Variants in NPY2R observed in about 807,000 individuals in gnomAD.
The protein encoded by NPY2R is neuropeptide Y receptor type 2.
In NPY2R, 17 loss-of-function variants were observed where a neutral mutation model predicts 22.3. The ratio of observed to expected loss-of-function variants is 0.76; its 90% CI spans 0.52 to 1.14. The LOEUF is 1.14. Ranked by LOEUF, NPY2R falls within the 50% of genes most tolerant of loss-of-function variation. NPY2R has a pLI of 0.00. For synonymous variants in NPY2R, 209 were observed against 183.4 expected (o/e 1.14, Z -1.13); for missense variants, 424 against 467.9 (o/e 0.91, Z 0.87).
intron 1 of NPY2R, among the ~76,000 whole-genome samples, chr4:155,209,811 GAT>G (rs1729364537): frequency 6.6e-6 from 1 of 151,998 alleles, no homozygotes; most frequent in African/African-American, 2.4e-5. Flanking sequence ...TGCTTGATAA[GAT>G]GTGTAGGTTT....
chr4:155,174,174 T>C, the NPY2R span: 1 of 151,928 alleles, frequency 6.6e-6, no homozygotes, highest in Non-Finnish European at 1.5e-5. Context: ...TCTGGGATTA[T>C]AACATGGAAA....
chr4:155,189,754 A>G, the NPY2R span, among the ~76,000 whole-genome samples: 1 of 151,828 alleles, frequency 6.6e-6, no homozygotes, highest in South Asian at 2.1e-4. Context: ...TAGGGACCCT[A>G]CTCCTATGTT....
the NPY2R span, among the ~76,000 whole-genome samples, chr4:155,187,705 A>G: frequency 6.6e-6 from 1 of 152,148 alleles, no homozygotes; most frequent in African/African-American, 2.4e-5. Flanking sequence ...TATAAACAGC[A>G]TGTGTCAAAT....
the NPY2R span, among the ~76,000 whole-genome samples, chr4:155,189,865 G>A: frequency 2.6e-5 from 4 of 151,862 alleles, no homozygotes; most frequent in Admixed American, 2.0e-4. Flanking sequence ...CCTTCTGAGA[G>A]CATGTTACAA....
the NPY2R span, among the ~76,000 whole-genome samples, chr4:155,200,873 G>A: frequency 6.6e-6 from 1 of 152,042 alleles, no homozygotes; most frequent in Non-Finnish European, 1.5e-5. Flanking sequence ...GGTGAGGGGA[G>A]GGAGAGCATT....
At position 155,215,624 on chromosome 4, in the gene NPY2R, C is replaced by G. The variant is rs182746502; in HGVS notation, c.*539C>G. The G allele has an allele frequency of 2.2e-4, 42 of 187,282 alleles. No individual in the cohort carries two copies. Among genetic ancestry groups the G allele is most frequent in the Admixed American group, 2.0e-3 (36 of 18,040 alleles). 11.6% of individuals were successfully genotyped at this position (187,282 alleles called of 1,614,324 possible). ...GAATGCTGCAGGAAACGATTGCCAA[C>G]TATACGAATGGCTTCGAGGAGATAA... On this transcript the variant is annotated 3_prime_UTR_variant, in exon 2 of 2. Coordinates refer to ENST00000329476, the MANE Select transcript of NPY2R (RefSeq NM_000910.4).
chr4:155,187,017 C>T, the NPY2R span, among the ~76,000 whole-genome samples: 5 of 152,066 alleles, frequency 3.3e-5, no homozygotes, highest in African/African-American at 1.2e-4. Context: ...TTATTATTCT[C>T]TATGAAGTAA....
the NPY2R span, among the ~76,000 whole-genome samples, chr4:155,184,786 A>T: frequency 6.6e-6 from 1 of 152,058 alleles, no homozygotes; most frequent in Non-Finnish European, 1.5e-5. Context: ...TGTCTGGCAA[A>T]ATGTAATACA....
chr4:155,191,600 G>A, the NPY2R span, among the ~76,000 whole-genome samples: 4 of 151,738 alleles, frequency 2.6e-5, no homozygotes, highest in Non-Finnish European at 4.4e-5. Context: ...ATTTATTAGA[G>A]GTAGATACTT....
rs1729489632 is a variant in NPY2R, at chr4:155,215,113, T to A, written c.*28T>A. ...AAGCTGTGGTGTGAAAATGTATGGA[T>A]GAATTCTGACCAGAGCTATGAATCT... On this transcript the variant is annotated 3_prime_UTR_variant, in exon 2 of 2. Coordinates refer to ENST00000329476, the MANE Select transcript of NPY2R (RefSeq NM_000910.4). 1 of 1,596,784 alleles carries A rather than the reference T, an allele frequency of 6.3e-7. No individual in the cohort carries two copies. The highest frequency in any genetic ancestry group is 8.6e-7 in the Non-Finnish European group (1 of 1,165,824).
chr4:155,190,979 CA>C, the NPY2R span, among the ~76,000 whole-genome samples: 1 of 151,758 alleles, frequency 6.6e-6, no homozygotes, highest in Admixed American at 6.6e-5. Flanking sequence ...TTTCATTTGT[CA>C]AAAAATAGCT....
chr4:155,198,613 A>T, the NPY2R span, among the ~76,000 whole-genome samples: 4 of 147,458 alleles, frequency 2.7e-5, no homozygotes, highest in South Asian at 2.1e-4. Context: ...TTTGATATAT[A>T]TTTTTTTTCT....
At chr4:155,206,975 C>CAAAAA (rs1729295402), upstream of NPY2R, 1 of 152,108 alleles carries the variant, frequency 6.6e-6, no homozygotes, top group African/African-American at 2.4e-5. Context: ...AAGGAAAAAA[C>CAAAAA]AAACAAAACA....
Position 155,214,902 on chromosome 4 carries a change from TC to T in NPY2R, c.967del (p.Leu323PhefsTer6), listed in dbSNP as rs780458299. ...TCGCCATGTGCTCCACTTTTGCCAA[TC>T]CCCTTCTCTATGGCTGGATGAACAG... is the stretch of plus-strand genomic sequence containing the variant. Reference protein sequence around the residue: ...IIAMCSTFANPLLYGWMNSNY... With the variant: ...IIAMCSTFANXLLYGWMNSNY... On this transcript the variant is annotated frameshift_variant, in exon 2 of 2. Coordinates refer to ENST00000329476, the MANE Select transcript of NPY2R (RefSeq NM_000910.4). LOFTEE classifies it high-confidence loss of function. The T allele has an allele frequency of 6.2e-7, 1 of 1,613,154 alleles. No individual in the cohort carries two copies. Among genetic ancestry groups the T allele is most frequent in the Non-Finnish European group, 8.5e-7 (1 of 1,179,328 alleles).
chr4:155,212,088 G>A, intron 1 of NPY2R, among the ~76,000 whole-genome samples: 1 of 152,240 alleles, frequency 6.6e-6, no homozygotes, highest in East Asian at 1.9e-4. Context: ...AGGAGCTGGG[G>A]GGCACATAGG....
At chr4:155,178,167 C>CTCT in the NPY2R span, among the ~76,000 whole-genome samples, 1 of 152,166 alleles carries the variant, frequency 6.6e-6, no homozygotes, top group African/African-American at 2.4e-5. Flanking sequence ...AGATCATCTG[C>CTCT]TCTTGTTCCT....
At chr4:155,182,856 G>T in the NPY2R span, among the ~76,000 whole-genome samples, 1 of 151,946 alleles carries the variant, frequency 6.6e-6, no homozygotes, top group East Asian at 1.9e-4. Flanking sequence ...GCAGTGGCGC[G>T]ATCTTGGCTC....
chr4:155,210,775 T>C lies in NPY2R; in HGVS notation c.-49+1706T>C, dbSNP rs114639670. Among the ~76,000 whole-genome samples, 949 of 152,126 alleles carry C rather than the reference T, an allele frequency of 6.2e-3. 11 individuals carry two copies. The highest frequency in any genetic ancestry group is 0.022 in the African/African-American group (916 of 41,498). On this transcript the variant is annotated intron_variant, in intron 1 of 1. Transcript: ENST00000329476. ...ATGGAAACTCTCATGTCTCTCTGTA[T>C]AGTAAGGCTCCTGTGGAAGGGTGAG... is the stretch of plus-strand genomic sequence containing the variant.
chr4:155,214,370 T>A lies in NPY2R; in HGVS notation c.431T>A (p.Ile144Asn), dbSNP rs763281642. The A allele has an allele frequency of 1.1e-5, 18 of 1,613,982 alleles. No individual in the cohort carries two copies. Among genetic ancestry groups the A allele is most frequent in the Non-Finnish European group, 1.5e-5 (18 of 1,180,018 alleles). ...VQVSTITLTV[I>N]ALDRHRCIVY... ...GTATCCACAATCACCTTGACAGTAA[T>A]TGCCCTGGACCGGCACAGGTGCATC... The change falls in exon 2 of 2, where the codon ATT becomes AAT. Residue 144 changes from isoleucine (I) to asparagine (N), a missense_variant. Transcript: ENST00000329476.
Sources: gnomAD v4.1 joint callset for allele counts (sites outside exome capture counted in the v4.1 genomes callset) on GRCh38, gnomAD v4.1.1 for gene constraint, MANE v1.5 for transcripts, NCBI Gene and HGNC (gene_info 2026-07-23, HGNC 2026-07-21) for gene names.